Variants in THSD7B observed in about 807,000 individuals in gnomAD.
THSD7B encodes thrombospondin type 1 domain containing 7B, also known as thrombospondin type-1 domain-containing protein 7B.
THSD7B carries 138 observed loss-of-function variants against 213.6 expected under a neutral mutation model. The ratio of observed to expected loss-of-function variants is 0.65; its 90% CI spans 0.56 to 0.74. The LOEUF (loss-of-function observed/expected upper bound fraction) is 0.74, where lower values mean the gene tolerates loss of function less well. Ranked by LOEUF, THSD7B falls within the 30% of genes least tolerant of loss-of-function variation. THSD7B has a pLI of 0.00. For missense variants in THSD7B, 1,931 were observed against 1,991.5 expected, an observed-to-expected ratio of 0.97 and a Z score of 0.58; for synonymous variants, 742 against 687.0, an observed-to-expected ratio of 1.08 and a Z score of -1.25.
At chr2:137,311,098 T>C (rs1451761664) in intron 12 of THSD7B, among the ~76,000 whole-genome samples, 3 of 151,226 alleles carry the variant, frequency 2.0e-5, no homozygotes, top group African/African-American at 7.3e-5. Context: ...CCTTGGGCAG[T>C]ATGGCCATTT....
intron 20 of THSD7B, among the ~76,000 whole-genome samples, chr2:137,640,846 A>AT (rs1208165557): frequency 6.6e-6 from 1 of 152,214 alleles, no homozygotes; most frequent in Admixed American, 6.5e-5. Flanking sequence ...CACTTACTTA[A>AT]TGTCTGTGAA....
At chr2:136,958,005 A>G (rs1685155963) in intron 2 of THSD7B, among the ~76,000 whole-genome samples, 1 of 152,198 alleles carries the variant, frequency 6.6e-6, no homozygotes, top group African/African-American at 2.4e-5. Context: ...CATTTTTATA[A>G]TGGTATACAC....
intron 12 of THSD7B, among the ~76,000 whole-genome samples, chr2:137,303,714 ATTT>A (rs1683667479): frequency 7.2e-6 from 1 of 139,738 alleles, no homozygotes; most frequent in Non-Finnish European, 1.5e-5. Flanking sequence ...TTATATATAT[ATTT>A]ATATATATAT....
intron 4 of THSD7B, among the ~76,000 whole-genome samples, chr2:137,100,603 C>T (rs996216802): frequency 2.6e-5 from 4 of 151,964 alleles, no homozygotes; most frequent in African/African-American, 9.7e-5. Context: ...GAAAGAGTAG[C>T]ACCTAGAAAA....
chr2:136,979,965 T>G (rs879152714), intron 2 of THSD7B, among the ~76,000 whole-genome samples: 1 of 152,340 alleles, frequency 6.6e-6, no homozygotes, highest in South Asian at 2.1e-4. Flanking sequence ...GTTTTTTTGT[T>G]GATGTTGTTG....
At chr2:136,975,991 T>C (rs1685473789) in intron 2 of THSD7B, among the ~76,000 whole-genome samples, 1 of 152,228 alleles carries the variant, frequency 6.6e-6, no homozygotes, top group Non-Finnish European at 1.5e-5. Context: ...TTTGCTTCTC[T>C]GTTTTTGATG....
chr2:137,649,125 G>T (rs189280075), intron 21 of THSD7B, among the ~76,000 whole-genome samples: 84 of 152,056 alleles, frequency 5.5e-4, no homozygotes, highest in Non-Finnish European at 2.9e-4. Flanking sequence ...TTATTTGGGG[G>T]TTTTTTGCTG....
chr2:137,649,447 T>C (rs1406807054), intron 21 of THSD7B, among the ~76,000 whole-genome samples: 1 of 152,220 alleles, frequency 6.6e-6, no homozygotes, highest in African/African-American at 2.4e-5. Flanking sequence ...TTTGATTTGA[T>C]TTTCTTGTAT....
At chr2:137,197,355 C>T (rs1478786116) in intron 7 of THSD7B, among the ~76,000 whole-genome samples, 4 of 152,030 alleles carry the variant, frequency 2.6e-5, no homozygotes, top group African/African-American at 9.7e-5. Flanking sequence ...AGCTAAACTT[C>T]GGGCAATCTT....
intron 5 of THSD7B, among the ~76,000 whole-genome samples, chr2:137,144,532 A>G (rs951302790): frequency 2.0e-5 from 3 of 152,012 alleles, no homozygotes; most frequent in Non-Finnish European, 4.4e-5. Context: ...AACTTAATAT[A>G]TGTGTTCTTA....
chr2:136,884,023 G>T (rs78056835), intron 2 of THSD7B, among the ~76,000 whole-genome samples: 4,459 of 152,226 alleles, frequency 0.029, 100 homozygotes, highest in South Asian at 0.07. Context: ...ACAAAATTAA[G>T]AACAAAAGCT....
At chr2:137,597,497 G>C (rs1412700874) in intron 17 of THSD7B, among the ~76,000 whole-genome samples, 1 of 148,062 alleles carries the variant, frequency 6.8e-6, no homozygotes, top group Non-Finnish European at 1.5e-5. Flanking sequence ...GCTTTTGTTT[G>C]CAAATATCAC....
At position 136,890,320 on chromosome 2, in the gene THSD7B, T is replaced by C. The variant is rs71348721; in HGVS notation, c.139+8003T>C. On this transcript the variant is annotated intron_variant, in intron 2 of 27. Coordinates refer to ENST00000409968, the MANE Select transcript of THSD7B (RefSeq NM_001316349.2). ...GTCCTACTCCTTCTTCTTCTTCTTC[T>C]TCTTCTTCTTCTTCTTCTTCTTCTT... is the stretch of plus-strand genomic sequence containing the variant. Among the ~76,000 whole-genome samples, 6 of 2,414 alleles carry C rather than the reference T, an allele frequency of 2.5e-3. 1 individual carries two copies. Among genetic ancestry groups the C allele is most frequent in the Non-Finnish European group, 4.3e-3 (5 of 1,166 alleles). The allele number at this position is 2,414 out of a possible 152,430, so 1.6% of individuals were successfully genotyped here.
chr2:137,268,384 A>G (rs1307512177), intron 10 of THSD7B, among the ~76,000 whole-genome samples: 2 of 145,652 alleles, frequency 1.4e-5, no homozygotes, highest in African/African-American at 2.6e-5. Flanking sequence ...ATTCCCACCT[A>G]TGAGTGAGAA....
intron 2 of THSD7B, among the ~76,000 whole-genome samples, chr2:136,946,742 A>C (rs866584087): frequency 1.3e-5 from 2 of 152,128 alleles, no homozygotes; most frequent in African/African-American, 4.8e-5. Context: ...ATCTCAGTCT[A>C]CTGCGCTAGC....
At chr2:137,269,249 T>A (rs1019116136) in intron 10 of THSD7B, among the ~76,000 whole-genome samples, 5 of 152,218 alleles carry the variant, frequency 3.3e-5, no homozygotes, top group Non-Finnish European at 5.9e-5. Context: ...AGAGGATCCA[T>A]CCTTTTGAAA....
intron 1 of THSD7B, among the ~76,000 whole-genome samples, chr2:136,842,155 A>G (rs1209492282): frequency 6.6e-6 from 1 of 152,190 alleles, no homozygotes; most frequent in Non-Finnish European, 1.5e-5. Context: ...GCACTCTTGC[A>G]TTATCACTTC....
At chr2:137,590,934 TTAGTC>T (rs1366523679) in intron 17 of THSD7B, among the ~76,000 whole-genome samples, 8 of 151,800 alleles carry the variant, frequency 5.3e-5, no homozygotes, top group Admixed American at 1.3e-4. Context: ...TCCAGGCTGA[TTAGTC>T]TATTCACATT....
At chr2:137,244,044 G>C (rs1348559514) in intron 10 of THSD7B, among the ~76,000 whole-genome samples, 2 of 152,212 alleles carry the variant, frequency 1.3e-5, no homozygotes, top group African/African-American at 4.8e-5. Context: ...GGATGAACAG[G>C]GTTTGTTAAA....
Sources: allele counts gnomAD v4.1 joint callset (sites outside exome capture counted in the v4.1 genomes callset), GRCh38; gene constraint gnomAD v4.1.1; transcripts MANE v1.5; gene names NCBI Gene and HGNC (gene_info 2026-07-23, HGNC 2026-07-21).